The following SLC4A7 variants were observed in gnomAD, a reference collection of about 807,000 sequenced individuals.
SLC4A7 encodes solute carrier family 4 member 7, also known as sodium bicarbonate cotransporter 3.
In SLC4A7, 51 loss-of-function variants were observed where a neutral mutation model predicts 137.6. The observed-to-expected ratio is 0.37, with a 90% CI of 0.30 to 0.47. The LOEUF is 0.47. Among genes scored for constraint, SLC4A7 ranks in the 20% least tolerant of loss-of-function variants. The probability of loss-of-function intolerance (pLI) is 1.00; values close to 1 mark genes in which losing one functional copy is unlikely to be tolerated. For synonymous variants in SLC4A7, 542 were observed against 518.6 expected, an observed-to-expected ratio of 1.05 and a Z score of -0.61; for missense variants, 1,247 against 1,525.4, an observed-to-expected ratio of 0.82 and a Z score of 3.04.
chr3:27,484,173 G>T lies in SLC4A7; in HGVS notation c.-47C>A. 1 of 1,252,226 alleles carries T rather than the reference G, an allele frequency of 8.0e-7. No homozygotes were observed. Among genetic ancestry groups the T allele is most frequent in the South Asian group, 2.8e-5 (1 of 35,386 alleles). 77.6% of individuals were successfully genotyped at this position (1,252,226 alleles called of 1,614,324 possible). A position where few individuals can be genotyped will look rare whatever the true frequency, so the allele number is the denominator to read the frequency against. Reference sequence around the variant, plus strand: ...CGGCCGCTACGGTACTGCCCCGCGCGGTCTGCCTGCTTCTGCCGCTGCCCC... The same window carrying T: ...CGGCCGCTACGGTACTGCCCCGCGCTGTCTGCCTGCTTCTGCCGCTGCCCC... On this transcript the variant is annotated 5_prime_UTR_variant, in exon 1 of 26. Transcript: ENST00000454389.
At chr3:27,417,579 C>G (rs2054515472) in intron 11 of SLC4A7, among the ~76,000 whole-genome samples, 1 of 152,084 alleles carries the variant, frequency 6.6e-6, no homozygotes, top group Non-Finnish European at 1.5e-5. Flanking sequence ...CAAAGTGAGA[C>G]AGCATATCTA....
At chr3:27,450,170 A>T (rs1447727054) in intron 2 of SLC4A7, among the ~76,000 whole-genome samples, 2 of 152,174 alleles carry the variant, frequency 1.3e-5, no homozygotes, top group African/African-American at 4.8e-5. Flanking sequence ...AAATTAAAAG[A>T]GGGACAACTT....
chr3:27,401,282 A>T (rs2052718354), intron 15 of SLC4A7, among the ~76,000 whole-genome samples: 2 of 152,162 alleles, frequency 1.3e-5, no homozygotes, highest in Admixed American at 6.5e-5. Context: ...ATTCTTTATA[A>T]CTGACAAGCC....
chr3:27,430,138 G>T (rs1281485626), intron 7 of SLC4A7, among the ~76,000 whole-genome samples: 1 of 152,076 alleles, frequency 6.6e-6, no homozygotes, highest in African/African-American at 2.4e-5. Flanking sequence ...GATCCCAGGA[G>T]TTCAAGGCTG....
intron 2 of SLC4A7, among the ~76,000 whole-genome samples, chr3:27,450,428 T>C (rs535434351): frequency 6.6e-6 from 1 of 152,168 alleles, no homozygotes; most frequent in African/African-American, 2.4e-5. Flanking sequence ...GTTAATTTTA[T>C]GTTATGTGAA....
intron 1 of SLC4A7, chr3:27,456,751 T>C (rs184348369): frequency 6.4e-5 from 102 of 1,589,966 alleles, no homozygotes; most frequent in Non-Finnish European, 8.1e-5. Context: ...CCAGGGACAG[T>C]GAGCACATAT....
chr3:27,476,069 T>C (rs989188996), intron 1 of SLC4A7, among the ~76,000 whole-genome samples: 2 of 152,204 alleles, frequency 1.3e-5, no homozygotes, highest in African/African-American at 4.8e-5. Context: ...TTGCTTGTCA[T>C]TGGTGGTTTT....
intron 1 of SLC4A7, among the ~76,000 whole-genome samples, chr3:27,475,203 C>T (rs1050370098): frequency 2.6e-5 from 4 of 151,778 alleles, no homozygotes; most frequent in Admixed American, 2.0e-4. Flanking sequence ...TTTCTCTGTC[C>T]TCATTCTGTA....
chr3:27,419,885 G>A (rs74920446), intron 10 of SLC4A7, among the ~76,000 whole-genome samples: 4,832 of 151,976 alleles, frequency 0.032, 263 homozygotes, highest in African/African-American at 0.11. Flanking sequence ...TGACTGGCTG[G>A]TTGAAAGAGG....
chr3:27,456,784 G>C, intron 1 of SLC4A7: 1 of 1,526,968 alleles, frequency 6.5e-7, no homozygotes, highest in Non-Finnish European at 8.7e-7. Context: ...ACTGTGCTTT[G>C]CAGAGATGAA....
At chr3:27,445,710 G>C (rs2057536427) in intron 3 of SLC4A7, among the ~76,000 whole-genome samples, 1 of 147,328 alleles carries the variant, frequency 6.8e-6, no homozygotes, top group Non-Finnish European at 1.5e-5. Flanking sequence ...TTGAGGTCAG[G>C]AGTTCGAGAC....
chr3:27,478,815 C>G (rs566293828), intron 1 of SLC4A7, among the ~76,000 whole-genome samples: 132 of 144,792 alleles, frequency 9.1e-4, no homozygotes, highest in Middle Eastern at 3.7e-3. Flanking sequence ...TAGTGAAACC[C>G]TGTCTCTACT....
At chr3:27,440,097 T>C (rs1238039511) in intron 3 of SLC4A7, among the ~76,000 whole-genome samples, 1 of 152,184 alleles carries the variant, frequency 6.6e-6, no homozygotes, top group Non-Finnish European at 1.5e-5. Flanking sequence ...TAGTAACAAA[T>C]TTAATCCACA....
chr3:27,374,254 A>G lies in SLC4A7; in HGVS notation c.*2510T>C, dbSNP rs1462100086. 6.6e-6 allele frequency: 1 copy of G among 152,544 alleles called. No individual in the cohort carries two copies. The highest frequency in any genetic ancestry group is 2.4e-5 in the African/African-American group (1 of 41,460). 9.4% of individuals were successfully genotyped at this position (152,544 alleles called of 1,614,324 possible). On this transcript the variant is annotated 3_prime_UTR_variant, in exon 26 of 26. Transcript: ENST00000454389. ...AGGGTATTCAGTAGCACTAAGCTCCATTCTGGAAATCAAGGCATCTAAAGA... is the reference window on the plus strand; with the variant it reads ...AGGGTATTCAGTAGCACTAAGCTCCGTTCTGGAAATCAAGGCATCTAAAGA...
At position 27,383,797 on chromosome 3, in the gene SLC4A7, A is replaced by G. The variant is rs576061920; in HGVS notation, c.3493-547T>C. On this transcript the variant is annotated intron_variant, in intron 23 of 25. Coordinates refer to ENST00000454389, the MANE Select transcript of SLC4A7 (RefSeq NM_001321103.2). ...CTCAGAAATTGAAATACTCTCGGCAATGTCTCAAATACTCTCAGACTAACA... is the reference window on the plus strand; with the variant it reads ...CTCAGAAATTGAAATACTCTCGGCAGTGTCTCAAATACTCTCAGACTAACA... Among the ~76,000 whole-genome samples, 11 of 152,296 alleles carry G rather than the reference A, an allele frequency of 7.2e-5. 1 individual carries two copies. The South Asian group carries it at 2.3e-3, about 32-fold the overall frequency.
intron 1 of SLC4A7, among the ~76,000 whole-genome samples, chr3:27,455,570 A>ATTTTT (rs780026916): frequency 3.2e-5 from 4 of 125,358 alleles, no homozygotes; most frequent in African/African-American, 9.1e-5. Flanking sequence ...GCATAACTAA[A>ATTTTT]TTTTTTTTTT....
intron 22 of SLC4A7, among the ~76,000 whole-genome samples, chr3:27,387,478 C>A (rs73149783): frequency 0.15 from 23,189 of 152,080 alleles, 1,933 homozygotes; most frequent in African/African-American, 0.23. Flanking sequence ...CACCACCCCC[C>A]ACCCCAACAC....
rs2054618929 is a variant in SLC4A7 at position 27,418,517 on chromosome 3, C to A, written c.1628G>T (p.Arg543Leu). 6.2e-7 allele frequency: 1 copy of A among 1,610,158 alleles called. No individual in the cohort carries two copies. The highest frequency in any genetic ancestry group is 8.5e-7 in the Non-Finnish European group (1 of 1,177,592). The change falls in exon 11 of 26, where the codon CGC becomes CTC. Residue 543 changes from arginine to leucine, a missense_variant. Around this residue, in one of 6 missense-constraint regions of SLC4A7, gnomAD observed 499 missense variants for 664.2 expected, o/e 0.75. Coordinates refer to ENST00000454389, the MANE Select transcript of SLC4A7 (RefSeq NM_001321103.2). ...AGGGACACTTTTTGGTGGTTCTATG[C>A]GTATAGAAGGATCCCACTCTCCTGG... ...LPPGEWDPSI[R>L]IEPPKSVPSQ...
intron 12 of SLC4A7, among the ~76,000 whole-genome samples, chr3:27,410,142 AAC>A (rs1240932434): frequency 1.3e-5 from 2 of 152,200 alleles, no homozygotes; most frequent in Non-Finnish European, 2.9e-5. Context: ...TAATAAAACT[AAC>A]AGGTTTCAAT....
Sources: gnomAD v4.1 joint callset for allele counts (sites outside exome capture counted in the v4.1 genomes callset) on GRCh38, gnomAD v4.1.1 for gene constraint, gnomAD v4.1.1 regional missense constraint, MANE v1.5 for transcripts, NCBI Gene and HGNC (gene_info 2026-07-23, HGNC 2026-07-21) for gene names.